BNC2: variants seen among roughly 807,000 people sequenced by gnomAD.
BNC2 encodes the protein basonuclin zinc finger protein 2.
In BNC2, 20 loss-of-function variants were observed where a neutral mutation model predicts 76.3. That is an observed-to-expected ratio of 0.26 (90% confidence interval 0.18 to 0.38). The LOEUF (loss-of-function observed/expected upper bound fraction) is 0.38. Among genes scored for constraint, BNC2 ranks in the 10% least tolerant of loss-of-function variants. The probability of loss-of-function intolerance (pLI) is 1.00; values close to 1 mark genes in which losing one functional copy is unlikely to be tolerated. For missense variants in BNC2, 1,382 were observed against 1,399.8 expected, an observed-to-expected ratio of 0.99 and a Z score of 0.20; for synonymous variants, 582 against 514.8, an observed-to-expected ratio of 1.13 and a Z score of -1.77.
At chr9:16,419,971 C>G (rs944803053) in intron 6 of BNC2, among the ~76,000 whole-genome samples, 4 of 152,140 alleles carry the variant, frequency 2.6e-5, no homozygotes, top group African/African-American at 9.7e-5. Context: ...GTAGCAGCAT[C>G]AGCTGCAGAG....
rs766079461 is a variant in BNC2 at position 16,738,454 on chromosome 9, C to T, written c.35G>A (p.Ser12Asn). ...AHLGPTPPPH[S>N]LNYKSEDRLS... ...CCTGTCCTCTGATTTGTAATTAAGG[C>T]TATGTGGAGGTGGGGTGGGCCCAAG... Residue 12 changes from serine to asparagine, a missense_variant, in exon 2 of 7, where the codon AGC becomes AAC. Transcript: ENST00000380672. 3 of 1,613,970 alleles carry T rather than the reference C, an allele frequency of 1.9e-6. No individual in the cohort carries two copies. The highest frequency in any genetic ancestry group is 1.3e-5 in the African/African-American group (1 of 74,930).
chr9:16,471,380 G>A (rs1821821400), intron 5 of BNC2, among the ~76,000 whole-genome samples: 1 of 148,308 alleles, frequency 6.7e-6, no homozygotes, highest in Non-Finnish European at 1.5e-5. Flanking sequence ...TGCAACCCCC[G>A]CCTCCCGGAT....
At chr9:16,495,310 G>C (rs571975565) in intron 5 of BNC2, among the ~76,000 whole-genome samples, 1 of 152,114 alleles carries the variant, frequency 6.6e-6, no homozygotes, top group Non-Finnish European at 1.5e-5. Context: ...ATTTAAATTC[G>C]ACATAAAATG....
intron 3 of BNC2, among the ~76,000 whole-genome samples, chr9:16,679,787 T>C (rs979700736): frequency 3.9e-5 from 6 of 152,364 alleles, no homozygotes; most frequent in Admixed American, 3.9e-4. Context: ...GGGCACATTA[T>C]GTGAAGTGAT....
chr9:16,550,938 C>T (rs551154757), intron 5 of BNC2, among the ~76,000 whole-genome samples: 3 of 152,168 alleles, frequency 2.0e-5, no homozygotes, highest in East Asian at 3.9e-4. Flanking sequence ...TGTAGAAAGA[C>T]GCAGCACTGT....
chr9:16,454,273 G>C (rs976707541), intron 5 of BNC2, among the ~76,000 whole-genome samples: 2 of 152,066 alleles, frequency 1.3e-5, no homozygotes, highest in Non-Finnish European at 2.9e-5. Flanking sequence ...AGCTTGGATG[G>C]TACTAAAACC....
chr9:16,571,265 AAAC>A lies in BNC2; in HGVS notation c.433+11715_433+11717del, dbSNP rs1459973391. Reference sequence around the variant, plus strand: ...GATAATAGGTGTTTTAAATATATCCAAACAACACAGCTGAACTGACAAATGCCT... The same window carrying A: ...GATAATAGGTGTTTTAAATATATCCAAACACAGCTGAACTGACAAATGCCT... On this transcript the variant is annotated intron_variant, in intron 4 of 6. Transcript: ENST00000380672. Among the ~76,000 whole-genome samples, 7 of 152,302 alleles carry A rather than the reference AAAC, an allele frequency of 4.6e-5. No individual in the cohort carries two copies. In the East Asian group the frequency reaches 9.6e-4, roughly 21 times the overall value.
rs186447350 is a variant in BNC2 at position 16,454,015 on chromosome 9, C to T, written c.670-16491G>A. On this transcript the variant is annotated intron_variant, in intron 5 of 6. Transcript: ENST00000380672. ...TCCCACCACCAACGTTTTGCTTATG[C>T]TACCTCTTCTACTTAGAATTCTGTC... Among the ~76,000 whole-genome samples the T allele has an allele frequency of 1.4e-3, 217 of 152,266 alleles. 1 individual carries two copies. The highest frequency in any genetic ancestry group is 4.8e-3 in the African/African-American group (200 of 41,560).
chr9:16,810,816 A>T (rs1372736211), intron 1 of BNC2, among the ~76,000 whole-genome samples: 4 of 152,110 alleles, frequency 2.6e-5, no homozygotes, highest in African/African-American at 9.7e-5. Flanking sequence ...GTGTTGCTAG[A>T]CCCTCCAGTT....
At chr9:16,741,512 T>C (rs1289276454) in intron 1 of BNC2, among the ~76,000 whole-genome samples, 2 of 151,708 alleles carry the variant, frequency 1.3e-5, no homozygotes, top group Non-Finnish European at 2.9e-5. Flanking sequence ...TGGCAAATAG[T>C]AGAACTCAGC....
intron 5 of BNC2, among the ~76,000 whole-genome samples, chr9:16,517,198 G>T (rs1227809053): frequency 1.3e-5 from 2 of 152,166 alleles, no homozygotes; most frequent in Non-Finnish European, 2.9e-5. Context: ...GTTGAGGAGG[G>T]AAGTAGCCAG....
intron 5 of BNC2, among the ~76,000 whole-genome samples, chr9:16,513,166 T>C (rs1293400107): frequency 3.9e-5 from 6 of 151,926 alleles, no homozygotes; most frequent in Non-Finnish European, 8.8e-5. Context: ...AAAAACATAA[T>C]AATGAAATAA....
chr9:16,456,149 A>T (rs991838465), intron 5 of BNC2, among the ~76,000 whole-genome samples: 8 of 152,146 alleles, frequency 5.3e-5, no homozygotes, highest in Admixed American at 1.3e-4. Context: ...TTTAACATGA[A>T]ATTAAGGTCA....
intron 5 of BNC2, among the ~76,000 whole-genome samples, chr9:16,461,881 A>G (rs1171518922): frequency 6.6e-6 from 1 of 152,204 alleles, no homozygotes; most frequent in African/African-American, 2.4e-5. Flanking sequence ...CTCACTTCTC[A>G]TGTGCATGCA....
At chr9:16,542,366 AAG>A (rs761382535) in intron 5 of BNC2, among the ~76,000 whole-genome samples, 11 of 152,272 alleles carry the variant, frequency 7.2e-5, no homozygotes, top group Middle Eastern at 3.4e-3. Flanking sequence ...GACTGAAAAA[AAG>A]AGAGAAAGAA....
intron 5 of BNC2, among the ~76,000 whole-genome samples, chr9:16,526,708 T>C (rs1378563551): frequency 1.3e-5 from 2 of 152,120 alleles, no homozygotes; most frequent in African/African-American, 4.8e-5. Context: ...TCCCCATTGA[T>C]ATGACCATGA....
At chr9:16,561,839 AC>A (rs1819026169) in intron 4 of BNC2, among the ~76,000 whole-genome samples, 1 of 152,018 alleles carries the variant, frequency 6.6e-6, no homozygotes, top group South Asian at 2.1e-4. Context: ...CCCCATCTCT[AC>A]AAAAAATACA....
intron 4 of BNC2, chr9:16,579,969 CA>C (rs1233026192): frequency 2.5e-6 from 1 of 396,746 alleles, no homozygotes; most frequent in Non-Finnish European, 4.4e-6. Context: ...CCATTCTGGG[CA>C]ATGTATCTTG....
chr9:16,788,829 A>G (rs1475912197), intron 1 of BNC2, among the ~76,000 whole-genome samples: 3 of 152,106 alleles, frequency 2.0e-5, no homozygotes, highest in African/African-American at 4.8e-5. Flanking sequence ...CAGCCTCAAC[A>G]TGTCCAATAT....
Sources: gnomAD v4.1 joint callset for allele counts (sites outside exome capture counted in the v4.1 genomes callset) on GRCh38, gnomAD v4.1.1 for gene constraint, MANE v1.5 for transcripts, NCBI Gene and HGNC (gene_info 2026-07-23, HGNC 2026-07-21) for gene names.